CTNNA2: variants seen among roughly 807,000 people sequenced by gnomAD.
The protein encoded by CTNNA2 is catenin alpha 2.
A neutral mutation model predicts 101.0 loss-of-function variants in CTNNA2; 42 were observed. The ratio of observed to expected loss-of-function variants is 0.42; its 90% CI spans 0.32 to 0.54. CTNNA2 has a LOEUF of 0.54. Among genes scored for constraint, CTNNA2 ranks in the 20% least tolerant of loss-of-function variants. CTNNA2 has a pLI of 0.14. For synonymous variants in CTNNA2, 450 were observed against 456.4 expected (o/e 0.99, Z 0.18); for missense variants, 871 against 1,223.1 (o/e 0.71, Z 4.29).
At chr2:79,874,054 C>A (rs1193484100) in intron 5 of CTNNA2, 22 bp from the exon 6 acceptor site, 3 of 1,611,806 alleles carry the variant, frequency 1.9e-6, no homozygotes, top group Non-Finnish European at 2.5e-6. Context: ...TGTGTGACAG[C>A]TTTCATGTGT....
intron 4 of CTNNA2, among the ~76,000 whole-genome samples, chr2:79,404,331 C>T (rs1678319923): frequency 1.3e-5 from 2 of 151,960 alleles, no homozygotes; most frequent in Non-Finnish European, 2.9e-5. Context: ...TTGTCCCCTC[C>T]CTCCCCAATC....
intron 4 of CTNNA2, among the ~76,000 whole-genome samples, chr2:79,481,829 G>C (rs1275931747): frequency 6.6e-6 from 1 of 152,152 alleles, no homozygotes; most frequent in African/African-American, 2.4e-5. Flanking sequence ...CGGAAGATGT[G>C]AATCCTAAAG....
chr2:80,469,972 C>T (rs1333396029), intron 9 of CTNNA2, among the ~76,000 whole-genome samples: 1 of 152,130 alleles, frequency 6.6e-6, no homozygotes, highest in African/African-American at 2.4e-5. Context: ...GCAATATAAC[C>T]CTAAGACATG....
intron 2 of CTNNA2, among the ~76,000 whole-genome samples, chr2:79,265,650 T>C (rs1305391515): frequency 6.6e-6 from 1 of 152,196 alleles, no homozygotes; most frequent in Non-Finnish European, 1.5e-5. Flanking sequence ...GCTGAACATA[T>C]ACGTTTACAG....
chr2:80,049,161 T>G (rs1696711920), intron 7 of CTNNA2, among the ~76,000 whole-genome samples: 1 of 152,202 alleles, frequency 6.6e-6, no homozygotes, highest in African/African-American at 2.4e-5. Context: ...AAATATCTTC[T>G]TAATATCTCT....
At chr2:80,419,804 A>G (rs1465990757) in intron 9 of CTNNA2, among the ~76,000 whole-genome samples, 1 of 152,046 alleles carries the variant, frequency 6.6e-6, no homozygotes, top group Non-Finnish European at 1.5e-5. Flanking sequence ...TCTGTCTCAC[A>G]ATTCTAAGCA....
chr2:80,460,180 T>G (rs1684308990), intron 9 of CTNNA2, among the ~76,000 whole-genome samples: 1 of 152,114 alleles, frequency 6.6e-6, no homozygotes, highest in African/African-American at 2.4e-5. Flanking sequence ...AAAAATTGCC[T>G]TTGTGCACAG....
At chr2:79,336,087 C>G (rs952411322) in intron 3 of CTNNA2, among the ~76,000 whole-genome samples, 1 of 152,150 alleles carries the variant, frequency 6.6e-6, no homozygotes, top group African/African-American at 2.4e-5. Context: ...TATGCTTTTT[C>G]TTTTTAGTCA....
Position 79,982,368 on chromosome 2 carries a change from T to TATATAACATATATATAAC in CTNNA2, c.1056+72576_1056+72577insACATATATATAACATATA, listed in dbSNP as rs1553421149. Reference sequence around the variant, plus strand: ...TATAACCTATATAACCTATATAACATATATATAACATATATAACATATATA... The same window carrying TATATAACATATATATAAC: ...TATAACCTATATAACCTATATAACATATATAACATATATATAACATATATAACATATATAACATATATA... On this transcript the variant is annotated intron_variant, in intron 7 of 18. Transcript: ENST00000402739. Among the ~76,000 whole-genome samples the TATATAACATATATATAAC allele has an allele frequency of 2.6e-4, 29 of 113,556 alleles. 1 individual carries two copies. Among genetic ancestry groups the TATATAACATATATATAAC allele is most frequent in the African/African-American group, 6.8e-4 (18 of 26,364 alleles). The allele number at this position is 113,556 out of a possible 152,430, so 74.5% of individuals were successfully genotyped here.
chr2:80,345,724 T>C (rs1290208773), intron 7 of CTNNA2, among the ~76,000 whole-genome samples: 1 of 152,216 alleles, frequency 6.6e-6, no homozygotes, highest in Non-Finnish European at 1.5e-5. Flanking sequence ...GACTATGAAC[T>C]ATTTTAAAAT....
intron 18 of CTNNA2, among the ~76,000 whole-genome samples, chr2:80,644,415 G>A (rs1032515844): frequency 6.6e-6 from 1 of 152,144 alleles, no homozygotes; most frequent in African/African-American, 2.4e-5. Flanking sequence ...ATGCAACTAT[G>A]TTAAATAAAT....
intron 15 of CTNNA2, among the ~76,000 whole-genome samples, chr2:80,589,858 CTCTGTGTGTGTGTGTG>C (rs1696284780): frequency 8.1e-6 from 1 of 123,312 alleles, no homozygotes; most frequent in African/African-American, 3.4e-5. Context: ...AAATATGTAC[CTCTGTGTGTGTGTGTG>C]TGTGTGTGTG....
chr2:79,552,896 CT>C, intron 1 of CTNNA2, among the ~76,000 whole-genome samples: 1 of 152,352 alleles, frequency 6.6e-6, no homozygotes, highest in South Asian at 2.1e-4. Flanking sequence ...ATGGGAGGGG[CT>C]GCCACAAAAG....
At chr2:79,205,066 A>G (rs1674084264) in intron 2 of CTNNA2, among the ~76,000 whole-genome samples, 1 of 152,232 alleles carries the variant, frequency 6.6e-6, no homozygotes, top group South Asian at 2.1e-4. Context: ...GTTCTTCTGA[A>G]TAATAGGATG....
At chr2:80,457,144 A>G (rs1394590634) in intron 9 of CTNNA2, among the ~76,000 whole-genome samples, 1 of 151,884 alleles carries the variant, frequency 6.6e-6, no homozygotes, top group African/African-American at 2.4e-5. Flanking sequence ...ACTCACTGCA[A>G]CCTCTGCCTC....
chr2:79,478,624 AT>A (rs1671077209), intron 4 of CTNNA2, among the ~76,000 whole-genome samples: 1 of 152,308 alleles, frequency 6.6e-6, no homozygotes, highest in South Asian at 2.1e-4. Flanking sequence ...AGGAAGAAAT[AT>A]TTATACTTGG....
chr2:79,209,472 A>G lies in CTNNA2; in HGVS notation c.-406+11396A>G, dbSNP rs987886105. Reference sequence around the variant, plus strand: ...CTTTCTCTTTAGAACTGGTTATAACATCTACCTGGTTCTCTCATTAAATGA... The same window carrying G: ...CTTTCTCTTTAGAACTGGTTATAACGTCTACCTGGTTCTCTCATTAAATGA... On this transcript the variant is annotated intron_variant, in intron 2 of 21. Transcript: ENST00000466387. 1.2e-4 allele frequency among the ~76,000 whole-genome samples: 18 copies of G among 152,320 alleles called. No individual in the cohort carries two copies. In the East Asian group the frequency reaches 2.9e-3, roughly 25 times the overall value.
At chr2:80,348,546 A>G (rs1450774019) in intron 7 of CTNNA2, among the ~76,000 whole-genome samples, 1 of 152,126 alleles carries the variant, frequency 6.6e-6, no homozygotes, top group Non-Finnish European at 1.5e-5. Flanking sequence ...TCTGATTCCT[A>G]AAGCCCGTAC....
At chr2:79,207,770 A>G (rs747853995) in intron 2 of CTNNA2, among the ~76,000 whole-genome samples, 3 of 152,024 alleles carry the variant, frequency 2.0e-5, no homozygotes, top group Non-Finnish European at 2.9e-5. Flanking sequence ...GCTTTTTCCC[A>G]CTCTGATGGC....
Sources: gnomAD v4.1 joint callset for allele counts (sites outside exome capture counted in the v4.1 genomes callset) on GRCh38, gnomAD v4.1.1 for gene constraint, MANE v1.5 for transcripts, NCBI Gene and HGNC (gene_info 2026-07-23, HGNC 2026-07-21) for gene names.